TAFA4: variants seen among roughly 807,000 people sequenced by gnomAD.
The protein encoded by TAFA4 is chemokine-like protein TAFA-4.
TAFA4 carries 20 observed loss-of-function variants against 21.1 expected under a neutral mutation model. The observed-to-expected ratio is 0.95, with a 90% confidence interval of 0.67 to 1.38. The LOEUF is 1.38. Ranked by LOEUF, TAFA4 falls within the 40% of genes most tolerant of loss-of-function variation. TAFA4 has a pLI of 0.00. For synonymous variants in TAFA4, 71 were observed against 67.4 expected, an observed-to-expected ratio of 1.05 and a Z score of -0.26; for missense variants, 211 against 180.9, an observed-to-expected ratio of 1.17 and a Z score of -0.95.
chr3:68,757,972 TGG>T (rs1473959473), intron 3 of TAFA4, among the ~76,000 whole-genome samples: 2 of 152,196 alleles, frequency 1.3e-5, no homozygotes, highest in African/African-American at 2.4e-5. Flanking sequence ...AAAAATGCTA[TGG>T]GGTAGGTACT....
At chr3:68,813,117 T>A (rs1465443756) in intron 3 of TAFA4, among the ~76,000 whole-genome samples, 2 of 152,014 alleles carry the variant, frequency 1.3e-5, no homozygotes, top group Admixed American at 6.6e-5. Flanking sequence ...AAGATGTTCT[T>A]TGAAACCGAC....
intron 3 of TAFA4, among the ~76,000 whole-genome samples, chr3:68,844,358 G>T (rs1044202742): frequency 3.3e-5 from 5 of 151,960 alleles, no homozygotes; most frequent in African/African-American, 1.2e-4. Context: ...GGGATCAGTG[G>T]TGATATCCCC....
intron 3 of TAFA4, among the ~76,000 whole-genome samples, chr3:68,777,425 C>A (rs915840548): frequency 6.6e-6 from 1 of 152,064 alleles, no homozygotes; most frequent in Non-Finnish European, 1.5e-5. Flanking sequence ...GTGGATACTG[C>A]ACACTTGAAA....
intron 1 of TAFA4, among the ~76,000 whole-genome samples, chr3:68,887,985 G>C (rs186828582): frequency 2.8e-4 from 42 of 152,192 alleles, no homozygotes; most frequent in African/African-American, 8.7e-4. Context: ...CAGGCAGAGA[G>C]TCTTCCAAAT....
intron 3 of TAFA4, among the ~76,000 whole-genome samples, chr3:68,863,146 G>C (rs530667907): frequency 6.6e-6 from 1 of 151,868 alleles, no homozygotes; most frequent in Non-Finnish European, 1.5e-5. Context: ...ACAGGCTCAG[G>C]TGGGAGGATC....
At position 68,880,403 on chromosome 3, in the gene TAFA4, G is replaced by A. The variant is rs189257262; in HGVS notation, c.130+327C>T. On this transcript the variant is annotated intron_variant, in intron 3 of 5. Coordinates refer to ENST00000295569, the MANE Select transcript of TAFA4 (RefSeq NM_182522.5). The stretch of plus-strand genomic sequence containing the variant: ...AGCTGCAGGAGTGGATGGATGGATG[G>A]GCAGATGGACTGACATGTATGCACA... 1.5e-4 allele frequency among the ~76,000 whole-genome samples: 22 copies of A among 150,224 alleles called. 1 individual carries two copies. In the East Asian group the frequency reaches 4.4e-3, roughly 30 times the overall value.
intron 1 of TAFA4, among the ~76,000 whole-genome samples, chr3:68,923,755 CT>C (rs1334440639): frequency 1.3e-5 from 2 of 152,262 alleles, no homozygotes; most frequent in African/African-American, 4.8e-5. Context: ...GGTAAACACA[CT>C]TGTTATTTAC....
intron 3 of TAFA4, among the ~76,000 whole-genome samples, chr3:68,850,884 T>C (rs1339770521): frequency 6.6e-6 from 1 of 152,208 alleles, no homozygotes; most frequent in African/African-American, 2.4e-5. Flanking sequence ...CTTTTTAGTT[T>C]AAATAGATCC....
chr3:68,772,837 C>CATCCATCCATCCGTCA (rs1197298010), intron 3 of TAFA4, among the ~76,000 whole-genome samples: 23 of 152,220 alleles, frequency 1.5e-4, no homozygotes, highest in African/African-American at 5.5e-4. Context: ...CCCTCTCATC[C>CATCCATCCATCCGTCA]ATCCATCCAT....
intron 3 of TAFA4, among the ~76,000 whole-genome samples, chr3:68,812,689 C>T (rs961758951): frequency 6.6e-6 from 1 of 152,126 alleles, no homozygotes; most frequent in African/African-American, 2.4e-5. Context: ...TCCTTAGAGA[C>T]CTAGAAAGAG....
chr3:68,886,626 T>G (rs1438639335), intron 1 of TAFA4, among the ~76,000 whole-genome samples: 1 of 152,130 alleles, frequency 6.6e-6, no homozygotes, highest in Non-Finnish European at 1.5e-5. Flanking sequence ...AATAGATCCA[T>G]CAGTGGAAAG....
intron 5 of TAFA4, among the ~76,000 whole-genome samples, chr3:68,734,877 C>T (rs527689495): frequency 6.6e-6 from 1 of 152,100 alleles, no homozygotes; most frequent in Non-Finnish European, 1.5e-5. Flanking sequence ...ATGTAATTGT[C>T]AAAAGCATCT....
intron 3 of TAFA4, among the ~76,000 whole-genome samples, chr3:68,856,076 C>A (rs769393772): frequency 1.3e-5 from 2 of 152,004 alleles, no homozygotes; most frequent in African/African-American, 4.8e-5. Context: ...CTGGACTACC[C>A]GTCCAGAGCT....
intron 1 of TAFA4, among the ~76,000 whole-genome samples, chr3:68,917,103 T>C (rs2090011244): frequency 6.6e-6 from 1 of 152,042 alleles, no homozygotes; most frequent in Admixed American, 6.5e-5. Context: ...CCACCAACAA[T>C]TAAATAATTG....
intron 3 of TAFA4, among the ~76,000 whole-genome samples, chr3:68,782,338 G>A (rs770679652): frequency 1.3e-4 from 20 of 152,088 alleles, no homozygotes; most frequent in Admixed American, 3.3e-4. Flanking sequence ...GCAGGAAAAC[G>A]TAAGTGTTGG....
At chr3:68,748,222 C>T (rs1042840589) in intron 4 of TAFA4, among the ~76,000 whole-genome samples, 6 of 152,228 alleles carry the variant, frequency 3.9e-5, no homozygotes, top group African/African-American at 9.6e-5. Flanking sequence ...AATGAACCAA[C>T]GTATGCAATA....
chr3:68,910,287 C>T (rs2107002761), intron 1 of TAFA4, among the ~76,000 whole-genome samples: 1 of 152,250 alleles, frequency 6.6e-6, no homozygotes, highest in Admixed American at 6.5e-5. Flanking sequence ...TCATAGGGGC[C>T]CACCCTGGTA....
At chr3:68,789,528 A>G (rs1476648299) in intron 3 of TAFA4, among the ~76,000 whole-genome samples, 1 of 152,180 alleles carries the variant, frequency 6.6e-6, no homozygotes, top group Non-Finnish European at 1.5e-5. Context: ...CACATTAGAC[A>G]CCTTAAATAT....
At chr3:68,900,240 T>TAATAA (rs2089831337) in intron 1 of TAFA4, among the ~76,000 whole-genome samples, 1 of 132,840 alleles carries the variant, frequency 7.5e-6, no homozygotes, top group African/African-American at 2.8e-5. Flanking sequence ...AGACTCTCTC[T>TAATAA]TAATAATAAT....
Sources: gnomAD v4.1 joint callset for allele counts (sites outside exome capture counted in the v4.1 genomes callset) on GRCh38, gnomAD v4.1.1 for gene constraint, MANE v1.5 for transcripts, NCBI Gene and HGNC (gene_info 2026-07-23, HGNC 2026-07-21) for gene names.